The following LRP1B variants were observed in gnomAD, a reference collection of about 807,000 sequenced individuals.
LRP1B encodes the protein LDL receptor related protein 1B.
A neutral mutation model predicts 556.6 loss-of-function variants in LRP1B; 217 were observed. The ratio of observed to expected loss-of-function variants is 0.39; its 90% CI spans 0.35 to 0.44. LRP1B has a LOEUF of 0.44. Ranked by LOEUF, LRP1B falls within the 20% of genes least tolerant of loss-of-function variation. The pLI, the probability that LRP1B is intolerant of heterozygous loss-of-function variation, is 1.00. For missense variants in LRP1B, 5,053 were observed against 5,620.8 expected (o/e 0.90, Z 3.23); for synonymous variants, 2,047 against 1,865.8 (o/e 1.10, Z -2.50).
At chr2:140,913,883 ATGC>A (rs1356898992) in intron 21 of LRP1B, among the ~76,000 whole-genome samples, 1 of 152,104 alleles carries the variant, frequency 6.6e-6, no homozygotes. Flanking sequence ...GCAGTTTTAC[ATGC>A]TGAATATTCA....
At chr2:141,509,182 T>C (rs1363638936) in intron 2 of LRP1B, among the ~76,000 whole-genome samples, 1 of 152,166 alleles carries the variant, frequency 6.6e-6, no homozygotes, top group African/African-American at 2.4e-5. Flanking sequence ...CCCACTTGTA[T>C]TGCATGGAAA....
At position 141,247,310 on chromosome 2, in the gene LRP1B, T is replaced by C. The variant is rs761761697; in HGVS notation, c.508A>G (p.Arg170Gly). Residue 170 changes from arginine to glycine, a missense_variant, in exon 5 of 91, where the codon AGA becomes GGA. By Grantham distance (125) the Arg-to-Gly change is moderately radical (BLOSUM62 -2). Coordinates refer to ENST00000389484, the MANE Select transcript of LRP1B (RefSeq NM_018557.3). ...CAAGTGTAGGATCCATGTGTGTTTCTGCAGGTCTGGCTGCATGTACCATAA... is the reference window on the plus strand; with the variant it reads ...CAAGTGTAGGATCCATGTGTGTTTCCGCAGGTCTGGCTGCATGTACCATAA... ...AVYGTCSQTC[R>G]NTHGSYTCSC... The C allele has an allele frequency of 1.2e-6, 2 of 1,613,842 alleles. No homozygotes were observed. Among genetic ancestry groups the C allele is most frequent in the East Asian group, 2.2e-5 (1 of 44,852 alleles).
At chr2:141,835,518 A>G (rs907858164) in intron 1 of LRP1B, among the ~76,000 whole-genome samples, 1 of 151,830 alleles carries the variant, frequency 6.6e-6, no homozygotes, top group East Asian at 1.9e-4. Flanking sequence ...GGAAGGTGGC[A>G]TTTAATATAT....
intron 3 of LRP1B, among the ~76,000 whole-genome samples, chr2:141,307,551 T>C (rs1686638090): frequency 6.6e-6 from 1 of 152,206 alleles, no homozygotes; most frequent in Non-Finnish European, 1.5e-5. Flanking sequence ...CATGTTTTTT[T>C]ATTTTTCATT....
At chr2:140,749,509 T>C (rs1688498574) in intron 35 of LRP1B, among the ~76,000 whole-genome samples, 1 of 152,196 alleles carries the variant, frequency 6.6e-6, no homozygotes, top group Admixed American at 6.5e-5. Context: ...TGATTTATTT[T>C]ACTTTTAAAA....
chr2:141,811,724 T>C (rs896422309), intron 1 of LRP1B, among the ~76,000 whole-genome samples: 5 of 152,138 alleles, frequency 3.3e-5, no homozygotes, highest in African/African-American at 1.2e-4. Context: ...ACCATCACTG[T>C]CATAATTATT....
At chr2:142,114,126 T>C (rs561802597) in intron 1 of LRP1B, among the ~76,000 whole-genome samples, 1 of 152,286 alleles carries the variant, frequency 6.6e-6, no homozygotes, top group Non-Finnish European at 1.5e-5. Flanking sequence ...CTCCCAGTTC[T>C]GATCAAATCC....
At chr2:140,426,723 G>T (rs1338604593) in intron 66 of LRP1B, among the ~76,000 whole-genome samples, 1 of 152,068 alleles carries the variant, frequency 6.6e-6, no homozygotes, top group African/African-American at 2.4e-5. Flanking sequence ...GACTCAGCCC[G>T]CCTGCACCCA....
chr2:140,992,472 T>A (rs1697121942), intron 16 of LRP1B: 1 of 152,134 alleles, frequency 6.6e-6, no homozygotes, highest in Non-Finnish European at 1.5e-5. Flanking sequence ...GTATTTGCAC[T>A]CTGCTCAGGC....
At chr2:140,533,946 C>G (rs1690831960) in intron 47 of LRP1B, 75 bp downstream of exon 47, 1 of 1,547,720 alleles carries the variant, frequency 6.5e-7, no homozygotes, top group African/African-American at 1.4e-5. Context: ...ACAGAGCTCT[C>G]AGAAACGAAT....
chr2:141,743,501 C>CTTTTTTTTTTTTTTTTTTT (rs796287062), intron 2 of LRP1B, among the ~76,000 whole-genome samples: 11 of 119,034 alleles, frequency 9.2e-5, no homozygotes, highest in African/African-American at 2.2e-4. Flanking sequence ...TTTTTTTTTT[C>CTTTTTTTTTTTTTTTTTTT]TTTTTTTTTT....
At chr2:140,820,874 G>A (rs1691304634) in intron 31 of LRP1B, among the ~76,000 whole-genome samples, 1 of 147,254 alleles carries the variant, frequency 6.8e-6, no homozygotes, top group African/African-American at 2.5e-5. Flanking sequence ...CTTTTCTGCT[G>A]ATACTAAGGA....
chr2:141,025,778 G>A (rs12468940), intron 11 of LRP1B, among the ~76,000 whole-genome samples: 3,931 of 152,070 alleles, frequency 0.026, 79 homozygotes, highest in Non-Finnish European at 0.04. Context: ...TTTCTCTAGA[G>A]AATCCTAACT....
At chr2:141,294,483 G>A (rs1337731597) in intron 3 of LRP1B, among the ~76,000 whole-genome samples, 1 of 151,924 alleles carries the variant, frequency 6.6e-6, no homozygotes. Flanking sequence ...ATCACTCTGG[G>A]AGGCCATGGT....
intron 2 of LRP1B, among the ~76,000 whole-genome samples, chr2:141,499,171 C>T (rs72851323): frequency 0.093 from 14,158 of 152,104 alleles, 936 homozygotes; most frequent in African/African-American, 0.18. Context: ...TTAACTAACT[C>T]AGTCTTCTGA....
At chr2:141,482,935 A>C (rs1265309116) in intron 2 of LRP1B, among the ~76,000 whole-genome samples, 2 of 98,606 alleles carry the variant, frequency 2.0e-5, no homozygotes, top group Admixed American at 1.3e-4. Context: ...AAGCAGCAAG[A>C]TTTTTTGTTT....
rs188909234 is a variant in LRP1B, at chr2:142,094,884, T to C, written c.82+35764A>G. On this transcript the variant is annotated intron_variant, in intron 1 of 90. Coordinates refer to ENST00000389484, the MANE Select transcript of LRP1B (RefSeq NM_018557.3). ...TTTTATAATTGGATAAGTGAATCGA[T>C]AACTGAAAATAGGAGAAAATAGTTC... Among the ~76,000 whole-genome samples, 352 of 151,954 alleles carry C rather than the reference T, an allele frequency of 2.3e-3. 1 individual carries two copies. Among genetic ancestry groups the C allele is most frequent in the Non-Finnish European group, 3.5e-3 (239 of 67,832 alleles).
intron 1 of LRP1B, among the ~76,000 whole-genome samples, chr2:141,828,791 T>C (rs1459825427): frequency 1.3e-5 from 2 of 152,106 alleles, no homozygotes; most frequent in African/African-American, 2.4e-5. Context: ...TTCCCTGTTA[T>C]GGGAAGTTAA....
At chr2:141,205,295 G>A (rs16845603) in intron 6 of LRP1B, among the ~76,000 whole-genome samples, 2,348 of 152,104 alleles carry the variant, frequency 0.015, 24 homozygotes, top group Middle Eastern at 0.024. Context: ...TGTATAATTC[G>A]AGAGGGAAAA....
Sources: allele counts gnomAD v4.1 joint callset (sites outside exome capture counted in the v4.1 genomes callset), GRCh38; gene constraint gnomAD v4.1.1; transcripts MANE v1.5; gene names NCBI Gene and HGNC (gene_info 2026-07-23, HGNC 2026-07-21).